Variants in FLT1 observed in about 807,000 individuals in gnomAD.
The protein encoded by FLT1 is vascular endothelial growth factor receptor 1.
Under a neutral mutation model 156.3 loss-of-function variants are expected in FLT1, and 49 were observed. That is an observed-to-expected ratio of 0.31 (90% CI 0.25 to 0.40). The LOEUF (loss-of-function observed/expected upper bound fraction) is 0.40, where lower values mean the gene tolerates loss of function less well. FLT1 is among the 10% of genes least tolerant of loss of function. The pLI is 1.00. For missense variants in FLT1, 1,322 were observed against 1,637.2 expected, an observed-to-expected ratio of 0.81 and a Z score of 3.32; for synonymous variants, 594 against 583.8, an observed-to-expected ratio of 1.02 and a Z score of -0.25.
intron 14 of FLT1, among the ~76,000 whole-genome samples, chr13:28,358,638 A>G (rs1872995528): frequency 6.6e-6 from 1 of 152,224 alleles, no homozygotes; most frequent in Non-Finnish European, 1.5e-5. Context: ...AACAAACAGC[A>G]GGCTAAGATG....
In FLT1 at chr13:28,388,117, T is replaced by C. The variant is rs569910420; in HGVS notation, c.1969+1679A>G. 8.5e-6 allele frequency: 9 copies of C among 1,057,458 alleles called. No homozygotes were observed. The Admixed American group carries it at 1.6e-4, about 19-fold the overall frequency. 65.5% of individuals were successfully genotyped at this position (1,057,458 alleles called of 1,614,324 possible). A position where few individuals can be genotyped will look rare whatever the true frequency, so the allele number is the denominator to read the frequency against. On this transcript the variant is annotated intron_variant, in intron 13 of 29. Transcript: ENST00000282397. ...CCTGAAGGAACACACTAACTTATAA[T>C]GAACAAAGAAGCCAGGCCAAAGAGC... is the stretch of plus-strand genomic sequence containing the variant.
At chr13:28,473,671 A>AAGAGAG (rs1227557664) in intron 1 of FLT1, among the ~76,000 whole-genome samples, 21 of 118,356 alleles carry the variant, frequency 1.8e-4, no homozygotes, top group South Asian at 5.8e-4. Flanking sequence ...GAAAGAAAGA[A>AAGAGAG]AGAGAGAGAG....
intron 15 of FLT1, among the ~76,000 whole-genome samples, chr13:28,349,294 A>T (rs558008347): frequency 6.6e-6 from 1 of 152,256 alleles, no homozygotes; most frequent in South Asian, 2.1e-4. Flanking sequence ...TAACTTCCTT[A>T]AAGAAATTTC....
chr13:28,329,247 A>G (rs956498252), intron 19 of FLT1, among the ~76,000 whole-genome samples: 1 of 152,208 alleles, frequency 6.6e-6, no homozygotes, highest in Non-Finnish European at 1.5e-5. Flanking sequence ...GGACCCTACC[A>G]GTAGTGATTC....
At chr13:28,379,333 C>CA (rs946166210) in intron 14 of FLT1, among the ~76,000 whole-genome samples, 11 of 151,460 alleles carry the variant, frequency 7.3e-5, no homozygotes, top group Middle Eastern at 3.4e-3. Flanking sequence ...GACTCCATCT[C>CA]AAAAAAAACA....
rs1441660026 is a variant in FLT1, at chr13:28,317,550, G to T, written c.3334C>A (p.Arg1112Ser). ...CTCATCCTCATGCCTTCCCTCAGGC[G>T]ACTGCAAAAGTCCTCATCCATTTGT... is the stretch of plus-strand genomic sequence containing the variant. ...GVQMDEDFCS[R>S]LREGMRMRAP... Residue 1112 changes from arginine (R) to serine (S), a missense_variant, in exon 25 of 30, where the codon CGC becomes AGC. Coordinates refer to ENST00000282397, the MANE Select transcript of FLT1 (RefSeq NM_002019.4). 2 of 1,613,954 alleles carry T rather than the reference G, an allele frequency of 1.2e-6. No individual in the cohort carries two copies. Among genetic ancestry groups the T allele is most frequent in the East Asian group, 4.5e-5 (2 of 44,884 alleles).
chr13:28,387,909 T>C (rs1874466048), intron 13 of FLT1: 2 of 1,060,020 alleles, frequency 1.9e-6, no homozygotes, highest in African/African-American at 1.6e-5. Context: ...CTTAAAATCA[T>C]CTTTTGTAAA....
intron 14 of FLT1, among the ~76,000 whole-genome samples, chr13:28,366,513 A>G (rs1484959599): frequency 6.6e-6 from 1 of 151,262 alleles, no homozygotes; most frequent in Non-Finnish European, 1.5e-5. Flanking sequence ...CTTGTTATCC[A>G]GGCTGGAGTG....
intron 23 of FLT1, among the ~76,000 whole-genome samples, chr13:28,320,968 C>T (rs563754476): frequency 7.2e-4 from 110 of 152,176 alleles, no homozygotes; most frequent in African/African-American, 2.6e-3. Flanking sequence ...TACGAGCCAG[C>T]GGGGAGATGC....
intron 23 of FLT1, among the ~76,000 whole-genome samples, chr13:28,321,089 GT>G (rs1445303800): frequency 6.6e-6 from 1 of 152,172 alleles, no homozygotes; most frequent in Non-Finnish European, 1.5e-5. Flanking sequence ...AATCATCTGG[GT>G]TTATTTGAGG....
intron 15 of FLT1, among the ~76,000 whole-genome samples, chr13:28,347,112 A>G (rs1297656593): frequency 6.6e-6 from 1 of 152,214 alleles, no homozygotes; most frequent in Non-Finnish European, 1.5e-5. Flanking sequence ...AATATATACT[A>G]CTATCTAATA....
At chr13:28,340,656 C>T (rs1212960307) in intron 16 of FLT1, among the ~76,000 whole-genome samples, 1 of 152,156 alleles carries the variant, frequency 6.6e-6, no homozygotes, top group East Asian at 1.9e-4. Flanking sequence ...AAGACAACTT[C>T]TCCATACACA....
At chr13:28,362,650 C>T (rs747551036) in intron 14 of FLT1, among the ~76,000 whole-genome samples, 26 of 152,086 alleles carry the variant, frequency 1.7e-4, no homozygotes, top group Non-Finnish European at 2.8e-4. Flanking sequence ...GAGACTCCAT[C>T]TCCACTAAAA....
chr13:28,332,820 G>C (rs1048726963), intron 18 of FLT1, among the ~76,000 whole-genome samples: 1 of 152,240 alleles, frequency 6.6e-6, no homozygotes, highest in African/African-American at 2.4e-5. Flanking sequence ...CCTAATAAGT[G>C]AAAGTATCTA....
chr13:28,415,194 C>T (rs964313395), intron 10 of FLT1, among the ~76,000 whole-genome samples: 3 of 152,192 alleles, frequency 2.0e-5, no homozygotes, highest in Non-Finnish European at 2.9e-5. Flanking sequence ...AATAGCACCA[C>T]TTTGCCCGGG....
At chr13:28,410,499 G>A (rs1876097617) in intron 10 of FLT1, among the ~76,000 whole-genome samples, 2 of 152,184 alleles carry the variant, frequency 1.3e-5, no homozygotes, top group Admixed American at 1.3e-4. Flanking sequence ...TTTCATAAAT[G>A]ATTTCCTGCC....
intron 15 of FLT1, among the ~76,000 whole-genome samples, chr13:28,351,771 A>G (rs1387996982): frequency 6.6e-6 from 1 of 152,376 alleles, no homozygotes; most frequent in East Asian, 1.9e-4. Context: ...GTCAAACAGG[A>G]ATTCTGTGGC....
chr13:28,317,581 T>C lies in FLT1; in HGVS notation c.3303A>G (p.Pro1101=). The C allele has an allele frequency of 6.2e-7, 1 of 1,613,530 alleles. No homozygotes were observed. The highest frequency in any genetic ancestry group is 2.2e-5 in the East Asian group (1 of 44,888). The change falls in exon 25 of 30, where the codon CCA becomes CCG. Residue 1101 remains proline, a synonymous_variant. Coordinates refer to ENST00000282397, the MANE Select transcript of FLT1 (RefSeq NM_002019.4). ...AAAAGTCCTCATCCATTTGTACTCC[T>C]GGGTATGGAGACCCACCTGCGGGAG... ...EIFSLGGSPY[P]GVQMDEDFCS... is the part of the protein sequence containing the mutation.
At chr13:28,409,675 G>A (rs1876028265) in intron 10 of FLT1, among the ~76,000 whole-genome samples, 1 of 152,072 alleles carries the variant, frequency 6.6e-6, no homozygotes, top group African/African-American at 2.4e-5. Context: ...GGCAGAATTT[G>A]TACTCAGTTC....
Sources: gnomAD v4.1 joint callset for allele counts (sites outside exome capture counted in the v4.1 genomes callset) on GRCh38, gnomAD v4.1.1 for gene constraint, MANE v1.5 for transcripts, NCBI Gene and HGNC (gene_info 2026-07-23, HGNC 2026-07-21) for gene names.